SPNS3: variants seen among roughly 807,000 people sequenced by gnomAD.
SPNS3 encodes the protein SPNS lysolipid transporter 3, sphingosine-1-phosphate (putative).
A neutral mutation model predicts 54.4 loss-of-function variants in SPNS3; 51 were observed. The observed-to-expected ratio is 0.94, with a 90% CI of 0.75 to 1.18. The LOEUF (loss-of-function observed/expected upper bound fraction) is 1.18. Ranked by LOEUF, SPNS3 falls within the 50% of genes most tolerant of loss-of-function variation. The probability of loss-of-function intolerance (pLI) is 0.00; values close to 1 mark genes in which losing one functional copy is unlikely to be tolerated. For synonymous variants in SPNS3, 309 were observed against 294.7 expected (o/e 1.05, Z -0.50); for missense variants, 669 against 677.4 (o/e 0.99, Z 0.14).
At chr17:4,480,313 A>C (rs867199920) in intron 9 of SPNS3, among the ~76,000 whole-genome samples, 1 of 152,256 alleles carries the variant, frequency 6.6e-6, no homozygotes, top group Non-Finnish European at 1.5e-5. Flanking sequence ...TGTCTATAAA[A>C]GGGGTAATCA....
At chr17:4,450,762 A>ATTTTTTT (rs11415054) in intron 7 of SPNS3, among the ~76,000 whole-genome samples, 4 of 127,204 alleles carry the variant, frequency 3.1e-5, no homozygotes, top group African/African-American at 3.0e-5. Flanking sequence ...ATGCCCAGCT[A>ATTTTTTT]TTTTTTTTTT....
chr17:4,468,515 A>G (rs990036841), intron 8 of SPNS3, among the ~76,000 whole-genome samples: 19 of 148,730 alleles, frequency 1.3e-4, no homozygotes, highest in Non-Finnish European at 1.8e-4. Flanking sequence ...GGCGGCTCCA[A>G]GGTTTTTGCC....
chr17:4,450,765 T>TTA (rs1555529911), intron 7 of SPNS3, among the ~76,000 whole-genome samples: 2 of 148,086 alleles, frequency 1.4e-5, no homozygotes, highest in South Asian at 2.2e-4. Context: ...CCCAGCTATT[T>TTA]TTTTTTTTTT....
intron 1 of SPNS3, among the ~76,000 whole-genome samples, chr17:4,437,676 T>C (rs1597298398): frequency 6.6e-6 from 1 of 150,380 alleles, no homozygotes; most frequent in African/African-American, 2.4e-5. Context: ...CAAAAATAAA[T>C]AAATAAAATA....
Position 4,435,857 on chromosome 17 carries a change from G to A in SPNS3, c.199+1691G>A, listed in dbSNP as rs147368770. 4.2e-3 allele frequency among the ~76,000 whole-genome samples: 633 copies of A among 152,290 alleles called. 6 individuals are homozygous for A. Among genetic ancestry groups the A allele is most frequent in the African/African-American group, 0.014 (584 of 41,550 alleles). ...TGAGGCAGGACAGTCGCTTGAACCC[G>A]GGAGGCGGAGGTTGCGGTGAGCTGA... On this transcript the variant is annotated intron_variant, in intron 1 of 11. Coordinates refer to ENST00000355530, the MANE Select transcript of SPNS3 (RefSeq NM_182538.5).
intron 2 of SPNS3, among the ~76,000 whole-genome samples, chr17:4,443,715 C>G (rs1430632049): frequency 6.6e-6 from 1 of 152,226 alleles, no homozygotes; most frequent in African/African-American, 2.4e-5. Context: ...CCAACTTAGT[C>G]CCAGAAGTTG....
intron 2 of SPNS3, among the ~76,000 whole-genome samples, chr17:4,443,415 C>T (rs888510886): frequency 9.9e-5 from 15 of 152,134 alleles, no homozygotes; most frequent in African/African-American, 3.6e-4. Context: ...TATGCATAAA[C>T]AAGATATGAA....
intron 5 of SPNS3, 29 bp downstream of exon 5, chr17:4,446,991 G>A (rs1412904751): frequency 6.2e-7 from 1 of 1,612,704 alleles, no homozygotes; most frequent in Non-Finnish European, 8.5e-7. Context: ...TCTTCCCTCT[G>A]CTTTCCCTCT....
intron 5 of SPNS3, 53 bp downstream of exon 5, chr17:4,447,015 C>T: frequency 6.3e-7 from 1 of 1,599,936 alleles, no homozygotes; most frequent in Admixed American, 1.7e-5. Flanking sequence ...CCGGCAGGGA[C>T]TTTCCAGCCT....
At chr17:4,444,944 G>T in intron 2 of SPNS3, 88 bp from the exon 3 acceptor site, 1 of 1,477,080 alleles carries the variant, frequency 6.8e-7, no homozygotes, top group Non-Finnish European at 9.2e-7. Flanking sequence ...TGTGGCATCT[G>T]AGTCAGGCTC....
intron 1 of SPNS3, 103 bp downstream of exon 1, chr17:4,434,269 C>A: frequency 8.5e-7 from 1 of 1,173,550 alleles, no homozygotes; most frequent in African/African-American, 1.6e-5. Flanking sequence ...TCTTTCTGCT[C>A]CTGGGCCCAT....
chr17:4,480,943 T>C (rs1301718614), intron 9 of SPNS3, among the ~76,000 whole-genome samples: 1 of 152,074 alleles, frequency 6.6e-6, no homozygotes. Context: ...TTGTAGCCCC[T>C]ATAGTTCGGT....
intron 4 of SPNS3, 126 bp downstream of exon 4, chr17:4,446,325 C>T (rs895383948): frequency 4.9e-6 from 5 of 1,019,240 alleles, no homozygotes; most frequent in Non-Finnish European, 7.1e-6. Context: ...CCAATGCTAC[C>T]CCTCCCTCAC....
chr17:4,434,476 AT>A lies in SPNS3; in HGVS notation c.199+311del, dbSNP rs199660246. Among the ~76,000 whole-genome samples the A allele has an allele frequency of 2.0e-3, 305 of 152,016 alleles. 1 individual carries two copies. Among genetic ancestry groups the A allele is most frequent in the Admixed American group, 4.9e-3 (74 of 15,252 alleles). ...GGAGTTTGAGACCAACCTGGACAACATAGTGAGACTCTGTCTCTATTTATTT... is the reference window on the plus strand; with the variant it reads ...GGAGTTTGAGACCAACCTGGACAACAAGTGAGACTCTGTCTCTATTTATTT... On this transcript the variant is annotated intron_variant, in intron 1 of 11. Coordinates refer to ENST00000355530, the MANE Select transcript of SPNS3 (RefSeq NM_182538.5).
chr17:4,480,519 C>A (rs965007037), intron 9 of SPNS3, among the ~76,000 whole-genome samples: 4 of 152,358 alleles, frequency 2.6e-5, no homozygotes, highest in East Asian at 1.9e-4. Context: ...GCCTGCCCCC[C>A]ACGGCGCAGC....
chr17:4,469,651 A>G (rs946944842), intron 8 of SPNS3, among the ~76,000 whole-genome samples: 1 of 149,014 alleles, frequency 6.7e-6, no homozygotes, highest in Non-Finnish European at 1.5e-5. Flanking sequence ...GCAATTGGAT[A>G]TGTATGTGTC....
At chr17:4,454,680 G>A (rs1413994242) in intron 8 of SPNS3, among the ~76,000 whole-genome samples, 1 of 134,140 alleles carries the variant, frequency 7.5e-6, no homozygotes, top group South Asian at 2.4e-4. Flanking sequence ...GCAGTGGCAC[G>A]ATCTTGGCTC....
At chr17:4,462,720 C>T (rs796777043) in intron 8 of SPNS3, among the ~76,000 whole-genome samples, 7 of 40,504 alleles carry the variant, frequency 1.7e-4, no homozygotes, top group African/African-American at 5.0e-4. Flanking sequence ...CATCCATCCA[C>T]CCACCCACCC....
intron 7 of SPNS3, among the ~76,000 whole-genome samples, chr17:4,450,381 C>T (rs934706306): frequency 1.3e-5 from 2 of 148,322 alleles, no homozygotes; most frequent in Non-Finnish European, 3.0e-5. Flanking sequence ...CTACCCCTCC[C>T]TCCCTCCTTC....
Sources: gnomAD v4.1 joint callset for allele counts (sites outside exome capture counted in the v4.1 genomes callset) on GRCh38, gnomAD v4.1.1 for gene constraint, MANE v1.5 for transcripts, NCBI Gene and HGNC (gene_info 2026-07-23, HGNC 2026-07-21) for gene names.